The following ARHGAP10 variants were observed in gnomAD, a reference collection of about 807,000 sequenced individuals.
The protein encoded by ARHGAP10 is rho GTPase-activating protein 10.
Under a neutral mutation model 108.6 loss-of-function variants are expected in ARHGAP10, and 87 were observed. That is an observed-to-expected ratio of 0.80 (90% confidence interval 0.67 to 0.96). ARHGAP10 has a LOEUF of 0.96. Ranked by LOEUF, ARHGAP10 falls within the 40% of genes least tolerant of loss-of-function variation. The probability of loss-of-function intolerance (pLI) is 0.00; values close to 1 mark genes in which losing one functional copy is unlikely to be tolerated. For missense variants in ARHGAP10, 939 were observed against 954.5 expected (o/e 0.98, Z 0.21); for synonymous variants, 347 against 341.1 (o/e 1.02, Z -0.19).
At position 147,995,817 on chromosome 4, in the gene ARHGAP10, C is replaced by T. The variant is rs10029666; in HGVS notation, c.1717-27446C>T. 5.0e-3 allele frequency among the ~76,000 whole-genome samples: 762 copies of T among 152,120 alleles called. 9 individuals carry two copies. The highest frequency in any genetic ancestry group is 0.018 in the African/African-American group (731 of 41,482). ...CTGCGAGCTTCGCCTCCTGGGTTCACGCCATTCTCCTGCCTCAGCCTCCCG... is the reference window on the plus strand; with the variant it reads ...CTGCGAGCTTCGCCTCCTGGGTTCATGCCATTCTCCTGCCTCAGCCTCCCG... On this transcript the variant is annotated intron_variant, in intron 18 of 22. Coordinates refer to ENST00000336498, the MANE Select transcript of ARHGAP10 (RefSeq NM_024605.4).
intron 3 of ARHGAP10, among the ~76,000 whole-genome samples, chr4:147,845,208 C>G (rs892160823): frequency 6.6e-6 from 1 of 152,208 alleles, no homozygotes; most frequent in Non-Finnish European, 1.5e-5. Flanking sequence ...TTTGAAGAAG[C>G]TCTCTTTGCA....
chr4:147,970,426 G>A (rs1042961587), intron 18 of ARHGAP10, among the ~76,000 whole-genome samples: 9 of 152,046 alleles, frequency 5.9e-5, no homozygotes, highest in African/African-American at 9.7e-5. Context: ...AATGGATGGC[G>A]GTGGGGGGAG....
intron 10 of ARHGAP10, among the ~76,000 whole-genome samples, chr4:147,888,085 A>G (rs538597227): frequency 8.5e-5 from 13 of 152,184 alleles, no homozygotes; most frequent in African/African-American, 2.9e-4. Context: ...CTTCAAGGAC[A>G]TCACACTCCC....
intron 1 of ARHGAP10, among the ~76,000 whole-genome samples, chr4:147,743,843 G>T (rs1386099317): frequency 6.6e-6 from 1 of 152,106 alleles, no homozygotes; most frequent in African/African-American, 2.4e-5. Context: ...ATGTTGCAAG[G>T]CTTAAATTAT....
chr4:147,877,209 C>T (rs1735107759), intron 8 of ARHGAP10, among the ~76,000 whole-genome samples: 1 of 151,994 alleles, frequency 6.6e-6, no homozygotes, highest in South Asian at 2.1e-4. Flanking sequence ...TAGACAGTAT[C>T]ATCCTCTCTG....
chr4:147,966,988 A>C (rs1485079309), intron 18 of ARHGAP10, 149 bp downstream of exon 18: 1 of 663,448 alleles, frequency 1.5e-6, no homozygotes, highest in Admixed American at 3.7e-5. Flanking sequence ...AGAAGTTCTC[A>C]TTGAGCTTCT....
Position 148,022,207 on chromosome 4 carries a change from G to A in ARHGAP10, c.1717-1056G>A, listed in dbSNP as rs190673212. On this transcript the variant is annotated intron_variant, in intron 18 of 22. Coordinates refer to ENST00000336498, the MANE Select transcript of ARHGAP10 (RefSeq NM_024605.4). ...AGGTTCTGGGATAGATGTGCAGAAC[G>A]TGCAGATTTGTTACATAGGTATACA... Among the ~76,000 whole-genome samples, 815 of 152,300 alleles carry A rather than the reference G, an allele frequency of 5.4e-3. 12 individuals carry two copies. Among genetic ancestry groups the A allele is most frequent in the Middle Eastern group, 0.017 (5 of 294 alleles).
At chr4:148,049,833 G>A (rs1366660365) in intron 20 of ARHGAP10, among the ~76,000 whole-genome samples, 3 of 121,914 alleles carry the variant, frequency 2.5e-5, no homozygotes, top group Non-Finnish European at 5.1e-5. Context: ...TTTTTTGGGT[G>A]GGGGGGCGGG....
At chr4:147,737,993 C>T (rs1253013088) in intron 1 of ARHGAP10, among the ~76,000 whole-genome samples, 2 of 151,756 alleles carry the variant, frequency 1.3e-5, no homozygotes, top group Non-Finnish European at 2.9e-5. Context: ...TTCCTTTGAC[C>T]AGCTCCTTGT....
At chr4:147,837,454 G>A (rs1298930968) in intron 3 of ARHGAP10, among the ~76,000 whole-genome samples, 1 of 152,072 alleles carries the variant, frequency 6.6e-6, no homozygotes, top group Non-Finnish European at 1.5e-5. Context: ...ATCTTTAAGA[G>A]ATGTGGGGAA....
intron 20 of ARHGAP10, among the ~76,000 whole-genome samples, chr4:148,060,027 C>G (rs200528538): frequency 6.6e-6 from 1 of 150,592 alleles, no homozygotes; most frequent in African/African-American, 2.4e-5. Context: ...GGGAGAGAGA[C>G]GAGAGAGAGA....
intron 19 of ARHGAP10, among the ~76,000 whole-genome samples, chr4:148,046,377 A>G (rs1728883873): frequency 2.0e-5 from 3 of 152,210 alleles, no homozygotes; most frequent in Admixed American, 6.5e-5. Flanking sequence ...AAGTTTGTCT[A>G]TGTGTGGGAT....
intron 18 of ARHGAP10, among the ~76,000 whole-genome samples, chr4:147,975,510 C>T (rs1739559420): frequency 6.6e-6 from 1 of 152,090 alleles, no homozygotes; most frequent in African/African-American, 2.4e-5. Context: ...CTGGAAAGCC[C>T]AAGGTTGATG....
intron 10 of ARHGAP10, among the ~76,000 whole-genome samples, chr4:147,886,282 A>G (rs1031133803): frequency 1.3e-5 from 2 of 152,232 alleles, no homozygotes; most frequent in African/African-American, 2.4e-5. Context: ...GTATGGCTTC[A>G]GATGATGCTT....
At chr4:148,008,514 C>T (rs1311181722) in intron 18 of ARHGAP10, among the ~76,000 whole-genome samples, 4 of 150,922 alleles carry the variant, frequency 2.7e-5, no homozygotes, top group Admixed American at 6.6e-5. Context: ...AGGTAGAGGC[C>T]GGGGTGATGT....
intron 6 of ARHGAP10, chr4:147,865,565 CAT>C (rs1488544971): frequency 6.8e-6 from 1 of 147,698 alleles, no homozygotes; most frequent in Non-Finnish European, 1.5e-5. Context: ...AAGGATATTT[CAT>C]GTGGATTTCA....
chr4:147,960,739 G>T (rs903822002), intron 16 of ARHGAP10, among the ~76,000 whole-genome samples: 1 of 152,098 alleles, frequency 6.6e-6, no homozygotes, highest in Non-Finnish European at 1.5e-5. Flanking sequence ...TTGCTCATGT[G>T]GTCATTATCC....
At chr4:147,785,974 G>A (rs947920992) in intron 1 of ARHGAP10, among the ~76,000 whole-genome samples, 12 of 151,994 alleles carry the variant, frequency 7.9e-5, no homozygotes, top group African/African-American at 2.4e-4. Flanking sequence ...CCTTTTACAG[G>A]TCAAACTTCT....
chr4:147,774,636 C>G (rs764763573), intron 1 of ARHGAP10, among the ~76,000 whole-genome samples: 57 of 152,068 alleles, frequency 3.7e-4, no homozygotes, highest in Non-Finnish European at 8.8e-5. Context: ...GGGTGACCAC[C>G]CAGGATTTAC....
Sources: allele counts gnomAD v4.1 joint callset (sites outside exome capture counted in the v4.1 genomes callset), GRCh38; gene constraint gnomAD v4.1.1; transcripts MANE v1.5; gene names NCBI Gene and HGNC (gene_info 2026-07-23, HGNC 2026-07-21).